RREB1: variants seen among roughly 807,000 people sequenced by gnomAD.
RREB1 encodes the protein ras-responsive element-binding protein 1.
RREB1 carries 27 observed loss-of-function variants against 117.8 expected under a neutral mutation model. The ratio of observed to expected loss-of-function variants is 0.23; its 90% CI spans 0.17 to 0.32. RREB1 has a LOEUF of 0.32. Among genes scored for constraint, RREB1 ranks in the 10% least tolerant of loss-of-function variants. The pLI is 1.00. For missense variants in RREB1, 2,577 were observed against 2,378.2 expected (o/e 1.08, Z -1.74); for synonymous variants, 1,298 against 1,026.7 (o/e 1.26, Z -5.05).
chr6:7,162,364 G>C (rs1367982811), intron 1 of RREB1, among the ~76,000 whole-genome samples: 4 of 152,134 alleles, frequency 2.6e-5, no homozygotes, highest in African/African-American at 9.7e-5. Context: ...TCTGCGTGTG[G>C]CTGGGAGGCG....
At chr6:7,120,548 A>C (rs1391026989) in intron 1 of RREB1, among the ~76,000 whole-genome samples, 1 of 152,154 alleles carries the variant, frequency 6.6e-6, no homozygotes, top group Non-Finnish European at 1.5e-5. Flanking sequence ...TGGGGAAAAA[A>C]CCAATGGCTG....
chr6:7,240,209 T>G (rs1217712699), intron 10 of RREB1, among the ~76,000 whole-genome samples: 3 of 152,160 alleles, frequency 2.0e-5, no homozygotes, highest in African/African-American at 7.2e-5. Flanking sequence ...TTCATTTATT[T>G]TAGTATTTTG....
chr6:7,240,390 C>A (rs763429913), intron 10 of RREB1, 48 bp from the exon 11 acceptor site: 48 of 1,513,408 alleles, frequency 3.2e-5, no homozygotes, highest in Admixed American at 1.3e-4. Context: ...TTTTCTATTT[C>A]ATTGCAGTAG....
intron 1 of RREB1, among the ~76,000 whole-genome samples, chr6:7,123,242 C>A (rs1398383876): frequency 6.6e-6 from 1 of 151,970 alleles, no homozygotes; most frequent in Non-Finnish European, 1.5e-5. Context: ...ACTGCAACTT[C>A]CACCTCCCGG....
chr6:7,134,482 A>G (rs893965543), intron 1 of RREB1, among the ~76,000 whole-genome samples: 1 of 152,182 alleles, frequency 6.6e-6, no homozygotes, highest in Non-Finnish European at 1.5e-5. Context: ...TTCTAGAGCA[A>G]TTATTCCCCA....
At chr6:7,189,036 A>C in intron 5 of RREB1, 123 bp from the exon 6 acceptor site, 1 of 903,488 alleles carries the variant, frequency 1.1e-6, no homozygotes, top group Non-Finnish European at 1.6e-6. Flanking sequence ...TTAAAATGAA[A>C]GAGAAACACA....
chr6:7,176,589 A>T (rs1253128204), intron 1 of RREB1, 66 bp from the exon 2 acceptor site: 1 of 152,702 alleles, frequency 6.5e-6, no homozygotes, highest in Non-Finnish European at 1.5e-5. Context: ...ACTCCCGGTG[A>T]TGTTGAGCAG....
intron 6 of RREB1, among the ~76,000 whole-genome samples, chr6:7,201,371 T>C (rs927641442): frequency 5.3e-5 from 8 of 152,170 alleles, no homozygotes; most frequent in Admixed American, 2.0e-4. Context: ...CGCCTTTGTT[T>C]AAATATCCAA....
rs148210701 is a variant in RREB1, at chr6:7,182,813, C to T, written c.171+731C>T. On this transcript the variant is annotated intron_variant, in intron 4 of 12. Transcript: ENST00000379938. ...GATCCATGTAATACGAGTTGACTTC[C>T]TCGTGTTTAAAGTTTGGTTTAACTA... Among the ~76,000 whole-genome samples, 15 of 152,286 alleles carry T rather than the reference C, an allele frequency of 9.8e-5. No homozygotes were observed. In the East Asian group the frequency reaches 2.3e-3, roughly 23 times the overall value.
chr6:7,119,889 G>T (rs1433261185), intron 1 of RREB1, among the ~76,000 whole-genome samples: 1 of 152,048 alleles, frequency 6.6e-6, no homozygotes, highest in African/African-American at 2.4e-5. Context: ...GAAAAAGGGA[G>T]CTTAGAAGGA....
At chr6:7,231,995 C>A in intron 10 of RREB1, 88 bp downstream of exon 10, 1 of 1,324,566 alleles carries the variant, frequency 7.5e-7, no homozygotes, top group Non-Finnish European at 1.0e-6. Context: ...GACCCATCTC[C>A]CACAGTTCCA....
chr6:7,133,174 C>A (rs2113360095), intron 1 of RREB1, among the ~76,000 whole-genome samples: 1 of 152,200 alleles, frequency 6.6e-6, no homozygotes, highest in East Asian at 1.9e-4. Context: ...ACCTCCTTAG[C>A]TTACAGGTGA....
At chr6:7,138,027 A>C (rs1339243095) in intron 1 of RREB1, among the ~76,000 whole-genome samples, 1 of 152,184 alleles carries the variant, frequency 6.6e-6, no homozygotes, top group African/African-American at 2.4e-5. Context: ...ATTTACTATC[A>C]CTGCAAAAAG....
intron 1 of RREB1, among the ~76,000 whole-genome samples, chr6:7,148,944 A>G (rs1762993329): frequency 6.6e-6 from 1 of 152,134 alleles, no homozygotes; most frequent in African/African-American, 2.4e-5. Context: ...ATTTTTTGAG[A>G]CAGAGTCTTG....
chr6:7,117,433 A>G (rs544744503), intron 1 of RREB1, among the ~76,000 whole-genome samples: 3 of 82,812 alleles, frequency 3.6e-5, no homozygotes, highest in Non-Finnish European at 6.3e-5. Flanking sequence ...TTTGAGACGA[A>G]GTGTTTTACT....
chr6:7,237,179 G>A (rs1581585569), intron 10 of RREB1, among the ~76,000 whole-genome samples: 1 of 151,944 alleles, frequency 6.6e-6, no homozygotes, highest in African/African-American at 2.4e-5. Context: ...TCTGCCTCCC[G>A]GGTTCAAGCG....
rs1230833270 is a variant in RREB1 at position 7,251,972 on chromosome 6, A to T, written c.*3004A>T. 1 of 152,232 alleles carries T rather than the reference A, an allele frequency of 6.6e-6. No homozygotes were observed. The highest frequency in any genetic ancestry group is 1.5e-5 in the Non-Finnish European group (1 of 68,050). The allele number at this position is 152,232 out of a possible 1,614,324, so 9.4% of individuals were successfully genotyped here. A position where few individuals can be genotyped will look rare whatever the true frequency, so the allele number is the denominator to read the frequency against. The stretch of plus-strand genomic sequence containing the variant: ...TTTAAGCAATAAATGTTATATTTTA[A>T]AAGCTGCAGATTGCCGGTCACGTGG... On this transcript the variant is annotated 3_prime_UTR_variant, in exon 13 of 13. Coordinates refer to ENST00000379938, the MANE Select transcript of RREB1 (RefSeq NM_001003699.4).
At chr6:7,248,414 C>T (rs1769236408) in intron 12 of RREB1, 97 bp from the exon 13 acceptor site, 1 of 1,058,504 alleles carries the variant, frequency 9.4e-7, no homozygotes. Flanking sequence ...TGGCCCCCCG[C>T]ACATAGCCTG....
rs781320502 is a variant in RREB1 at position 7,231,264 on chromosome 6, G to A, written c.3165G>A (p.Lys1055=). The A allele has an allele frequency of 1.9e-6, 3 of 1,611,834 alleles. No individual in the cohort carries two copies. The Admixed American group carries it at 5.0e-5, about 27-fold the overall frequency. ...LRPKPPLLLP[K]PPVTEELPPL... is the part of the protein sequence containing the mutation. ...CCAAGCCCCCGCTGCTTTTGCCAAA[G>A]CCCCCCGTGACAGAAGAGCTGCCCC... Residue 1055 remains lysine, a synonymous_variant, in exon 10 of 13, where the codon AAG becomes AAA. Coordinates refer to ENST00000379938, the MANE Select transcript of RREB1 (RefSeq NM_001003699.4).
Sources: allele counts gnomAD v4.1 joint callset (sites outside exome capture counted in the v4.1 genomes callset), GRCh38; gene constraint gnomAD v4.1.1; transcripts MANE v1.5; gene names NCBI Gene and HGNC (gene_info 2026-07-23, HGNC 2026-07-21).